The following MAST4 variants were observed in gnomAD, a reference collection of about 807,000 sequenced individuals.
The protein encoded by MAST4 is microtubule-associated serine/threonine-protein kinase 4.
In MAST4, 89 loss-of-function variants were observed where a neutral mutation model predicts 162.7. That is an observed-to-expected ratio of 0.55 (90% CI 0.46 to 0.65). MAST4 has a LOEUF of 0.65. Ranked by LOEUF, MAST4 falls within the 30% of genes least tolerant of loss-of-function variation. The pLI is 0.00. For synonymous variants in MAST4, 1,479 were observed against 1,361.1 expected (o/e 1.09, Z -1.91); for missense variants, 3,153 against 3,374.0 (o/e 0.93, Z 1.62).
intron 4 of MAST4, among the ~76,000 whole-genome samples, chr5:67,020,934 A>G (rs922085389): frequency 6.6e-6 from 1 of 152,210 alleles, no homozygotes; most frequent in South Asian, 2.1e-4. Flanking sequence ...TCTTTGTGCT[A>G]CAATGACAGA....
chr5:66,904,155 A>G (rs1376070073), intron 4 of MAST4, among the ~76,000 whole-genome samples: 4 of 152,220 alleles, frequency 2.6e-5, no homozygotes, highest in East Asian at 3.8e-4. Context: ...TTCACAGGGA[A>G]GTGTTTGTTT....
chr5:67,137,799 T>C (rs1056178307), intron 19 of MAST4, among the ~76,000 whole-genome samples: 2 of 152,242 alleles, frequency 1.3e-5, no homozygotes, highest in Non-Finnish European at 2.9e-5. Context: ...TTAGGTATTG[T>C]ATGGCTGCTT....
At chr5:66,907,357 G>A (rs2150001406) in intron 4 of MAST4, among the ~76,000 whole-genome samples, 1 of 152,260 alleles carries the variant, frequency 6.6e-6, no homozygotes, top group South Asian at 2.1e-4. Flanking sequence ...TACTCAGAAA[G>A]AATCAGTGGG....
At chr5:66,646,122 C>T (rs1346835644) in intron 1 of MAST4, among the ~76,000 whole-genome samples, 1 of 152,082 alleles carries the variant, frequency 6.6e-6, no homozygotes, top group Non-Finnish European at 1.5e-5. Context: ...ATTCCCCCTC[C>T]CCCATCTTAT....
chr5:66,632,400 AT>A (rs1162655098), intron 1 of MAST4, among the ~76,000 whole-genome samples: 1 of 151,666 alleles, frequency 6.6e-6, no homozygotes, highest in African/African-American at 2.4e-5. Flanking sequence ...TGGAGAAGTT[AT>A]TAATAGAAAT....
chr5:66,869,514 C>T (rs6888804), intron 3 of MAST4, among the ~76,000 whole-genome samples: 3,062 of 152,076 alleles, frequency 0.02, 88 homozygotes, highest in African/African-American at 0.069. Flanking sequence ...GTTGGCAGGG[C>T]GGTTACTAGG....
intron 12 of MAST4, 186 bp downstream of exon 12, chr5:67,114,405 A>C: frequency 1.6e-6 from 1 of 625,368 alleles, no homozygotes; most frequent in Non-Finnish European, 2.6e-6. Flanking sequence ...ACGAATGAGC[A>C]TGACCCATTT....
intron 1 of MAST4, among the ~76,000 whole-genome samples, chr5:66,689,105 T>C (rs1748875245): frequency 1.1e-5 from 1 of 92,408 alleles, no homozygotes; most frequent in South Asian, 4.7e-4. Context: ...CTGTCTTGCT[T>C]AAACAGTTCC....
chr5:66,845,811 C>CT (rs1561376593), intron 3 of MAST4, among the ~76,000 whole-genome samples: 1 of 152,014 alleles, frequency 6.6e-6, no homozygotes, highest in African/African-American at 2.4e-5. Context: ...TTTAGGAACA[C>CT]TTTAAGATTA....
Position 67,054,488 on chromosome 5 carries a change from T to G in MAST4, c.759T>G (p.His253Gln), listed in dbSNP as rs201410300. 223 of 1,607,510 alleles carry G rather than the reference T, an allele frequency of 1.4e-4. No homozygotes were observed. The highest frequency in any genetic ancestry group is 1.8e-4 in the Non-Finnish European group (208 of 1,177,066). ...GACCACACTCACCTCTCTCTGCTCA[T>G]GCAGGTAATTGGTTACCATTTCTTG... ...LPRPHSPLSA[H>Q]AGNSPQDSPR... Residue 253 changes from histidine (H) to glutamine (Q), a missense_variant, in exon 5 of 29, where the codon CAT becomes CAG. Physicochemically the swap from His to Gln is conservative, Grantham distance 24. This residue lies in a region of MAST4 where 360 missense variants were observed against 450.0 expected (regional missense o/e 0.80). Transcript: ENST00000403625.
chr5:66,599,926 T>C (rs1008738040), intron 1 of MAST4, among the ~76,000 whole-genome samples: 10 of 152,118 alleles, frequency 6.6e-5, no homozygotes, highest in Admixed American at 6.5e-4. Context: ...GGGGTGTGTG[T>C]GTGTGTGTGT....
At chr5:66,635,050 G>A (rs1745020800) in intron 1 of MAST4, among the ~76,000 whole-genome samples, 1 of 152,184 alleles carries the variant, frequency 6.6e-6, no homozygotes. Flanking sequence ...AGTGAGAGAG[G>A]TCTACAGCTT....
intron 1 of MAST4, among the ~76,000 whole-genome samples, chr5:66,717,922 C>T (rs1044795865): frequency 1.3e-5 from 2 of 152,138 alleles, no homozygotes; most frequent in African/African-American, 2.4e-5. Flanking sequence ...GCCGTGGGAC[C>T]GCTGGGTCTA....
At chr5:66,879,091 A>G (rs569846944) in intron 3 of MAST4, among the ~76,000 whole-genome samples, 166 of 152,280 alleles carry the variant, frequency 1.1e-3, no homozygotes, top group African/African-American at 3.8e-3. Flanking sequence ...CATCCTGGCC[A>G]ACATGGTGAA....
At chr5:66,634,978 T>C (rs1458188765) in intron 1 of MAST4, among the ~76,000 whole-genome samples, 2 of 152,228 alleles carry the variant, frequency 1.3e-5, no homozygotes, top group East Asian at 3.8e-4. Context: ...CAATCCTGCC[T>C]CTGGGATGCA....
At chr5:66,904,764 T>C (rs1357069005) in intron 4 of MAST4, among the ~76,000 whole-genome samples, 1 of 152,212 alleles carries the variant, frequency 6.6e-6, no homozygotes, top group African/African-American at 2.4e-5. Flanking sequence ...TCCAACTCTT[T>C]TGAAAAATAA....
chr5:66,905,302 C>CAAAAAAAAAAAAAA (rs60337775), intron 4 of MAST4, among the ~76,000 whole-genome samples: 2 of 78,450 alleles, frequency 2.5e-5, no homozygotes, highest in East Asian at 8.7e-4. Context: ...AACTCTGTCT[C>CAAAAAAAAAAAAAA]AAAAAAAAAA....
intron 1 of MAST4, among the ~76,000 whole-genome samples, chr5:66,748,973 T>C (rs529443142): frequency 1.7e-4 from 26 of 152,190 alleles, no homozygotes; most frequent in African/African-American, 6.3e-4. Flanking sequence ...TTGCATATTC[T>C]TCAGGCACTG....
intron 1 of MAST4, among the ~76,000 whole-genome samples, chr5:66,740,006 G>C (rs1298705990): frequency 2.0e-5 from 3 of 152,126 alleles, no homozygotes; most frequent in East Asian, 1.9e-4. Context: ...CATATCCTTT[G>C]TCTTGGGAAT....
Sources: allele counts gnomAD v4.1 joint callset (sites outside exome capture counted in the v4.1 genomes callset), GRCh38; gene constraint gnomAD v4.1.1; regional missense constraint gnomAD v4.1.1; transcripts MANE v1.5; gene names NCBI Gene and HGNC (gene_info 2026-07-23, HGNC 2026-07-21).